Variants in FHOD3 observed in about 807,000 individuals in gnomAD.
FHOD3 encodes the protein formin homology 2 domain containing 3, also known as FH1/FH2 domain-containing protein 3.
A neutral mutation model predicts 173.0 loss-of-function variants in FHOD3; 90 were observed. The ratio of observed to expected loss-of-function variants is 0.52; its 90% CI spans 0.44 to 0.62. The LOEUF (loss-of-function observed/expected upper bound fraction) is 0.62. Among genes scored for constraint, FHOD3 ranks in the 20% least tolerant of loss-of-function variants. The pLI, the probability that FHOD3 is intolerant of heterozygous loss-of-function variation, is 0.00. For synonymous variants in FHOD3, 828 were observed against 823.0 expected, an observed-to-expected ratio of 1.01 and a Z score of -0.10; for missense variants, 1,945 against 2,034.7, an observed-to-expected ratio of 0.96 and a Z score of 0.85.
rs538682433 is a variant in FHOD3, at chr18:36,313,286, TA to T, written c.165+15294del. On this transcript the variant is annotated intron_variant, in intron 1 of 28. Transcript: ENST00000590592. ...AGAATTGCCAAAGAATTTGTGAACTTAAAAAAAACCTTCATATTTGGTAAAA... is the reference window on the plus strand; with the variant it reads ...AGAATTGCCAAAGAATTTGTGAACTTAAAAAAACCTTCATATTTGGTAAAA... Among the ~76,000 whole-genome samples, 6 of 152,148 alleles carry T rather than the reference TA, an allele frequency of 3.9e-5. No homozygotes were observed. The South Asian group carries it at 1.2e-3, about 32-fold the overall frequency.
At chr18:36,693,586 C>G (rs2039089891) in intron 17 of FHOD3, among the ~76,000 whole-genome samples, 163 bp downstream of exon 17, 1 of 152,152 alleles carries the variant, frequency 6.6e-6, no homozygotes, top group Admixed American at 6.5e-5. Context: ...TGGTCACTAA[C>G]AAACTAGACG....
chr18:36,358,205 G>C (rs1465298747), intron 2 of FHOD3, among the ~76,000 whole-genome samples: 1 of 152,172 alleles, frequency 6.6e-6, no homozygotes, highest in Non-Finnish European at 1.5e-5. Context: ...GGGGCTTCTG[G>C]GCAAAGGTAC....
chr18:36,614,275 G>T (rs1295942681), intron 9 of FHOD3, among the ~76,000 whole-genome samples: 1 of 152,142 alleles, frequency 6.6e-6, no homozygotes, highest in Non-Finnish European at 1.5e-5. Context: ...GGTCTTTGTG[G>T]CTAGCTTTCA....
intron 1 of FHOD3, among the ~76,000 whole-genome samples, chr18:36,305,790 C>A (rs1283889823): frequency 6.6e-6 from 1 of 152,172 alleles, no homozygotes; most frequent in Non-Finnish European, 1.5e-5. Context: ...TCTGGCTAAA[C>A]CAGAGCCACA....
chr18:36,494,673 C>T (rs7228378), intron 3 of FHOD3, among the ~76,000 whole-genome samples: 1 of 152,204 alleles, frequency 6.6e-6, no homozygotes, highest in Non-Finnish European at 1.5e-5. Context: ...TTCTCCAGGA[C>T]CTTCTGCAGC....
At chr18:36,319,234 G>C (rs555808088) in intron 1 of FHOD3, among the ~76,000 whole-genome samples, 1 of 152,068 alleles carries the variant, frequency 6.6e-6, no homozygotes, top group African/African-American at 2.4e-5. Flanking sequence ...CCCATCTCAC[G>C]TGAAAAGACA....
intron 6 of FHOD3, among the ~76,000 whole-genome samples, chr18:36,589,631 T>G (rs375673368): frequency 5.9e-5 from 9 of 152,136 alleles, no homozygotes; most frequent in African/African-American, 2.2e-4. Flanking sequence ...GGACCTTACA[T>G]GGGGTCAGCC....
chr18:36,673,460 A>G (rs1306383735), intron 14 of FHOD3, among the ~76,000 whole-genome samples: 1 of 152,158 alleles, frequency 6.6e-6, no homozygotes, highest in Non-Finnish European at 1.5e-5. Context: ...AGAAAAAACA[A>G]TGTAAGCCAT....
intron 3 of FHOD3, among the ~76,000 whole-genome samples, chr18:36,422,894 C>T (rs746351891): frequency 1.3e-5 from 2 of 152,084 alleles, no homozygotes; most frequent in African/African-American, 2.4e-5. Context: ...ATTTTTGAAA[C>T]TGAGCAGAAA....
intron 3 of FHOD3, among the ~76,000 whole-genome samples, chr18:36,463,675 C>A (rs1421596025): frequency 1.3e-5 from 2 of 151,726 alleles, no homozygotes; most frequent in Non-Finnish European, 2.9e-5. Context: ...TTTGTATTTT[C>A]TGTAGAGATA....
chr18:36,603,072 A>G (rs565936806), intron 8 of FHOD3, among the ~76,000 whole-genome samples: 2 of 152,324 alleles, frequency 1.3e-5, no homozygotes, highest in South Asian at 2.1e-4. Flanking sequence ...TGAGGCAAAG[A>G]CAGACTTCCT....
At chr18:36,716,296 C>A (rs2149746173) in intron 18 of FHOD3, among the ~76,000 whole-genome samples, 1 of 152,294 alleles carries the variant, frequency 6.6e-6, no homozygotes, top group South Asian at 2.1e-4. Context: ...CTGAGAAAAG[C>A]AGCTGGATTC....
At chr18:36,773,564 C>T (rs1023746740) in intron 28 of FHOD3, among the ~76,000 whole-genome samples, 21 of 152,150 alleles carry the variant, frequency 1.4e-4, no homozygotes, top group African/African-American at 4.8e-4. Context: ...ATCTTTTGTA[C>T]GATGAAGGCA....
rs148417241 is a variant in FHOD3 at position 36,685,341 on chromosome 18, T to G, written c.1971-1787T>G. 9.2e-5 allele frequency among the ~76,000 whole-genome samples: 14 copies of G among 152,320 alleles called. No homozygotes were observed. In the East Asian group the frequency reaches 2.7e-3, roughly 29 times the overall value. ...GTAGGCAACTACTAATTATGGTGAC[T>G]GCAGTTCCATATTTCTGAGGATGTG... On this transcript the variant is annotated intron_variant, in intron 15 of 28. Transcript: ENST00000590592.
chr18:36,501,840 G>A, intron 3 of FHOD3, 92 bp from the exon 4 acceptor site: 1 of 871,748 alleles, frequency 1.1e-6, no homozygotes, highest in Non-Finnish European at 1.8e-6. Context: ...TACCTTTCCA[G>A]GGATAGTTTT....
At chr18:36,451,453 C>T (rs1180898608) in intron 3 of FHOD3, among the ~76,000 whole-genome samples, 1 of 152,204 alleles carries the variant, frequency 6.6e-6, no homozygotes, top group Non-Finnish European at 1.5e-5. Context: ...GGTCATAAAT[C>T]CCCCTTTCTC....
intron 1 of FHOD3, among the ~76,000 whole-genome samples, chr18:36,331,814 G>A (rs924151020): frequency 6.6e-5 from 10 of 152,142 alleles, no homozygotes; most frequent in African/African-American, 1.2e-4. Flanking sequence ...GTGGGGCACC[G>A]GTGCAGGCAG....
intron 3 of FHOD3, among the ~76,000 whole-genome samples, chr18:36,479,867 A>G (rs1225281201): frequency 1.3e-5 from 2 of 152,100 alleles, no homozygotes; most frequent in East Asian, 3.9e-4. Context: ...TTTCCCTGAG[A>G]AAAGGGTCCA....
chr18:36,589,195 C>T (rs919005692), intron 6 of FHOD3, among the ~76,000 whole-genome samples: 4 of 152,140 alleles, frequency 2.6e-5, no homozygotes, highest in African/African-American at 7.2e-5. Flanking sequence ...GCTTTTGCAC[C>T]CCCCGTATGC....
Sources: gnomAD v4.1 joint callset for allele counts (sites outside exome capture counted in the v4.1 genomes callset) on GRCh38, gnomAD v4.1.1 for gene constraint, MANE v1.5 for transcripts, NCBI Gene and HGNC (gene_info 2026-07-23, HGNC 2026-07-21) for gene names.